GALNT16: variants seen among roughly 807,000 people sequenced by gnomAD.
The protein encoded by GALNT16 is UDP-GalNAc:polypeptide N-acetylgalactosaminyltransferase-like protein 1.
GALNT16 carries 40 observed loss-of-function variants against 76.1 expected under a neutral mutation model. That is an observed-to-expected ratio of 0.53 (90% CI 0.41 to 0.68). GALNT16 has a LOEUF of 0.68. GALNT16 is among the 30% of genes least tolerant of loss of function. The pLI is 0.00. For synonymous variants in GALNT16, 276 were observed against 285.2 expected (o/e 0.97, Z 0.32); for missense variants, 621 against 731.9 (o/e 0.85, Z 1.75).
rs1264681426 is a variant in GALNT16, at chr14:69,322,927, T to G, written c.336-1765T>G. On this transcript the variant is annotated intron_variant, in intron 2 of 14. Coordinates refer to ENST00000448469, the MANE Select transcript of GALNT16 (RefSeq NM_001168368.2). ...AAGAAAGCTGAGGTGGCTCACGGGG[T>G]GTGTGTGTGTGTGTGTGTGTGTGTG... is the stretch of plus-strand genomic sequence containing the variant. 9.6e-3 allele frequency among the ~76,000 whole-genome samples: 198 copies of G among 20,714 alleles called. 1 individual carries two copies. The East Asian group carries it at 0.23, about 24-fold the overall frequency. The allele number at this position is 20,714 out of a possible 152,430, so 13.6% of individuals were successfully genotyped here. A position where few individuals can be genotyped will look rare whatever the true frequency, so the allele number is the denominator to read the frequency against.
chr14:69,302,551 G>A (rs533880532), intron 1 of GALNT16, among the ~76,000 whole-genome samples: 10 of 152,218 alleles, frequency 6.6e-5, no homozygotes, highest in African/African-American at 2.4e-4. Flanking sequence ...TTTTTAAACC[G>A]AATCTTGCAC....
chr14:69,265,822 G>A (rs2044335677), intron 1 of GALNT16, among the ~76,000 whole-genome samples: 1 of 152,190 alleles, frequency 6.6e-6, no homozygotes, highest in Non-Finnish European at 1.5e-5. Context: ...TCTGAAAACG[G>A]TGTCAAGTGG....
chr14:69,276,846 T>C (rs1041593446), intron 1 of GALNT16, among the ~76,000 whole-genome samples: 3 of 152,226 alleles, frequency 2.0e-5, no homozygotes, highest in Non-Finnish European at 4.4e-5. Context: ...AGAGCGAGCT[T>C]GTGACTTAAG....
intron 1 of GALNT16, among the ~76,000 whole-genome samples, chr14:69,308,705 C>T (rs1188133169): frequency 6.6e-6 from 1 of 152,180 alleles, no homozygotes; most frequent in African/African-American, 2.4e-5. Context: ...AGGACAAGTG[C>T]TCATTCAGAA....
intron 1 of GALNT16, among the ~76,000 whole-genome samples, chr14:69,319,887 A>AC (rs1474932445): frequency 9.2e-5 from 14 of 152,324 alleles, no homozygotes; most frequent in African/African-American, 3.1e-4. Context: ...TGCTGTCCTT[A>AC]CAGGTAGTTC....
chr14:69,274,547 C>T (rs2044447075), intron 1 of GALNT16, among the ~76,000 whole-genome samples: 1 of 152,134 alleles, frequency 6.6e-6, no homozygotes, highest in Admixed American at 6.5e-5. Context: ...GACCTCAGTT[C>T]TCCACGTGGG....
intron 1 of GALNT16, among the ~76,000 whole-genome samples, chr14:69,264,814 T>C (rs2044320354): frequency 9.9e-6 from 1 of 100,702 alleles, no homozygotes; most frequent in South Asian, 4.5e-4. Context: ...CTTTTCTTTT[T>C]CTTTCTTTTT....
chr14:69,317,771 T>C (rs55926514), intron 1 of GALNT16, among the ~76,000 whole-genome samples: 19,878 of 152,090 alleles, frequency 0.13, 1,383 homozygotes, highest in South Asian at 0.15. Context: ...TGTTTTGAGA[T>C]GCCAAGTTAG....
chr14:69,329,812 C>T (rs1185104044), intron 6 of GALNT16, among the ~76,000 whole-genome samples: 2 of 152,040 alleles, frequency 1.3e-5, no homozygotes, highest in Non-Finnish European at 2.9e-5. Context: ...CTAACCAGAT[C>T]TCACGAGAAG....
intron 2 of GALNT16, 45 bp downstream of exon 2, chr14:69,320,913 A>T (rs745978962): frequency 6.4e-7 from 1 of 1,572,666 alleles, no homozygotes; most frequent in Admixed American, 1.7e-5. Flanking sequence ...ACTGAGAGAA[A>T]GCCAACATTG....
At chr14:69,350,792 G>A (rs1719938512) in intron 14 of GALNT16, 1 of 152,358 alleles carries the variant, frequency 6.6e-6, no homozygotes, top group African/African-American at 2.4e-5. Flanking sequence ...AAGACACGGT[G>A]AATGAGAGAA....
At chr14:69,322,826 G>A (rs1247894586) in intron 2 of GALNT16, among the ~76,000 whole-genome samples, 5 of 152,154 alleles carry the variant, frequency 3.3e-5, no homozygotes, top group Non-Finnish European at 7.3e-5. Context: ...GGGAGGCAGA[G>A]GTTGCAGTGA....
chr14:69,320,777 G>A lies in GALNT16; in HGVS notation c.244G>A (p.Gly82Arg), dbSNP rs1210136506. 10 of 1,614,178 alleles carry A rather than the reference G, an allele frequency of 6.2e-6. No individual in the cohort carries two copies. The highest frequency in any genetic ancestry group is 8.5e-6 in the Non-Finnish European group (10 of 1,180,014). Residue 82 changes from glycine to arginine, a missense_variant, in exon 2 of 15, where the codon GGA becomes AGA. Physicochemically the swap from Gly to Arg is moderately radical, Grantham distance 125 (BLOSUM62 -2). Transcript: ENST00000448469. Reference sequence around the variant, plus strand: ...CCTGTCGGCCAAGCAGCTGAAGGCTGGAGAGGACCCCTACAGACAGCACGC... The same window carrying A: ...CCTGTCGGCCAAGCAGCTGAAGGCTAGAGAGGACCCCTACAGACAGCACGC... ...AYLSAKQLKA[G>R]EDPYRQHAFN...
At chr14:69,276,920 T>A (rs894249479) in intron 1 of GALNT16, among the ~76,000 whole-genome samples, 1 of 152,112 alleles carries the variant, frequency 6.6e-6, no homozygotes, top group African/African-American at 2.4e-5. Flanking sequence ...AAATGCCTGT[T>A]CCCCCAAGCC....
chr14:69,367,763 G>A, the GALNT16 span, among the ~76,000 whole-genome samples: 1 of 146,194 alleles, frequency 6.8e-6, no homozygotes, highest in Non-Finnish European at 1.5e-5. Flanking sequence ...AGGGTGGGGG[G>A]GAACTGCTTG....
At chr14:69,373,093 G>A in the GALNT16 span, among the ~76,000 whole-genome samples, 4 of 152,190 alleles carry the variant, frequency 2.6e-5, no homozygotes, top group Non-Finnish European at 4.4e-5. Flanking sequence ...ACCCAGAACT[G>A]TGGGATACTC....
At chr14:69,380,529 C>G in the GALNT16 span, 17 of 1,082,854 alleles carry the variant, frequency 1.6e-5, no homozygotes, top group Non-Finnish European at 2.0e-5. Flanking sequence ...CCCAGTGCTT[C>G]CAACACAATT....
At chr14:69,339,418 C>T in intron 10 of GALNT16, 109 bp from the exon 11 acceptor site, 1 of 758,078 alleles carries the variant, frequency 1.3e-6, no homozygotes, top group Non-Finnish European at 2.4e-6. Flanking sequence ...TATCACCTTG[C>T]TCCTGAGATT....
At chr14:69,371,955 A>C in the GALNT16 span, among the ~76,000 whole-genome samples, 75 of 152,220 alleles carry the variant, frequency 4.9e-4, 1 homozygote, top group Non-Finnish European at 9.8e-4. Context: ...AAAAATAAAA[A>C]AATAAATAAT....
Sources: gnomAD v4.1 joint callset for allele counts (sites outside exome capture counted in the v4.1 genomes callset) on GRCh38, gnomAD v4.1.1 for gene constraint, MANE v1.5 for transcripts, NCBI Gene and HGNC (gene_info 2026-07-23, HGNC 2026-07-21) for gene names.